Variants in IFI27L1 observed in about 807,000 individuals in gnomAD.
IFI27L1 encodes interferon alpha inducible protein 27 like 1.
Under a neutral mutation model 9.2 loss-of-function variants are expected in IFI27L1, and 3 were observed. The observed-to-expected ratio is 0.32, with a 90% CI of 0.15 to 0.84. IFI27L1 has a LOEUF of 0.84. Among genes scored for constraint, IFI27L1 ranks in the 40% least tolerant of loss-of-function variants. The pLI is 0.56. For missense variants in IFI27L1, 133 were observed against 134.2 expected (o/e 0.99, Z 0.05); for synonymous variants, 53 against 50.0 (o/e 1.06, Z -0.26).
intron 1 of IFI27L1, among the ~76,000 whole-genome samples, chr14:94,086,865 A>G (rs1472396071): frequency 6.6e-6 from 1 of 152,196 alleles, no homozygotes; most frequent in Non-Finnish European, 1.5e-5. Flanking sequence ...ACATATAATT[A>G]TTTATATAGG....
intron 1 of IFI27L1, among the ~76,000 whole-genome samples, chr14:94,083,906 A>G (rs1886193306): frequency 6.6e-6 from 1 of 152,186 alleles, no homozygotes; most frequent in Non-Finnish European, 1.5e-5. Context: ...CATGGACAAC[A>G]TAGCAAGACA....
intron 1 of IFI27L1, among the ~76,000 whole-genome samples, chr14:94,092,829 G>A (rs183500226): frequency 2.6e-5 from 4 of 152,294 alleles, no homozygotes; most frequent in Non-Finnish European, 5.9e-5. Flanking sequence ...CCCCCATGCT[G>A]TTCTCGTGGT....
chr14:94,082,868 T>A (rs946469231), intron 1 of IFI27L1, among the ~76,000 whole-genome samples: 1 of 152,276 alleles, frequency 6.6e-6, no homozygotes, highest in Non-Finnish European at 1.5e-5. Context: ...TTTTCATGTC[T>A]GTGAACACAA....
intron 3 of IFI27L1, chr14:94,100,976 G>A: frequency 1.6e-6 from 1 of 628,936 alleles, no homozygotes; most frequent in Admixed American, 2.7e-5. Flanking sequence ...GGCAGCCAGA[G>A]CTGGGGCTAC....
At chr14:94,096,374 G>C (rs945195368) in intron 1 of IFI27L1, among the ~76,000 whole-genome samples, 3 of 152,124 alleles carry the variant, frequency 2.0e-5, no homozygotes, top group African/African-American at 7.2e-5. Flanking sequence ...ATGCTGCTAC[G>C]AACATGGGTG....
intron 1 of IFI27L1, among the ~76,000 whole-genome samples, chr14:94,084,492 C>T (rs917997485): frequency 1.5e-4 from 23 of 151,974 alleles, no homozygotes; most frequent in African/African-American, 4.4e-4. Flanking sequence ...CCAAAGGGAC[C>T]GAGGGGTTGA....
At chr14:94,097,595 C>A in intron 2 of IFI27L1, 1 of 701,694 alleles carries the variant, frequency 1.4e-6, no homozygotes, top group South Asian at 1.5e-5. Flanking sequence ...CTCCTCCAGT[C>A]ATCCCACTGA....
chr14:94,087,733 GT>G (rs892300076), intron 1 of IFI27L1, among the ~76,000 whole-genome samples: 47 of 147,124 alleles, frequency 3.2e-4, no homozygotes, highest in Middle Eastern at 3.5e-3. Context: ...GCCGATTGTC[GT>G]TTTTTTTTTT....
At position 94,081,348 on chromosome 14, in the gene IFI27L1, C is replaced by T. The variant is rs187275842; in HGVS notation, c.-153C>T. On this transcript the variant is annotated 5_prime_UTR_variant, in exon 1 of 5. Coordinates refer to ENST00000555523, the MANE Select transcript of IFI27L1 (RefSeq NM_206949.3). ...GAGCTGGCTTGGGGCGCTGGCACCT[C>T]CTCTTACAGCTTTACTCCTGCCAGC... The T allele has an allele frequency of 6.6e-6, 1 of 152,348 alleles. No homozygotes were observed. The highest frequency in any genetic ancestry group is 1.9e-4 in the East Asian group (1 of 5,174). The allele number at this position is 152,348 out of a possible 1,614,324, so 9.4% of individuals were successfully genotyped here.
intron 2 of IFI27L1, 85 bp from the exon 3 acceptor site, chr14:94,100,654 T>G: frequency 6.2e-7 from 1 of 1,600,288 alleles, no homozygotes; most frequent in Non-Finnish European, 8.5e-7. Context: ...CAAAGTTGAA[T>G]TTGAGATGGG....
chr14:94,086,043 C>T (rs1292696969), intron 1 of IFI27L1, among the ~76,000 whole-genome samples: 1 of 152,150 alleles, frequency 6.6e-6, no homozygotes, highest in Admixed American at 6.5e-5. Context: ...TTGTAATCCC[C>T]AATGCTGGAG....
chr14:94,099,675 C>T (rs1886819802), intron 2 of IFI27L1, among the ~76,000 whole-genome samples: 1 of 152,072 alleles, frequency 6.6e-6, no homozygotes, highest in East Asian at 1.9e-4. Flanking sequence ...AGGTTGGGGT[C>T]CTTGGTTACA....
At chr14:94,081,788 ATGT>A (rs886662742) in intron 1 of IFI27L1, among the ~76,000 whole-genome samples, 1 of 152,136 alleles carries the variant, frequency 6.6e-6, no homozygotes, top group African/African-American at 2.4e-5. Flanking sequence ...TAATTGATAA[ATGT>A]TGTGTGTGTT....
chr14:94,085,975 C>T (rs971553310), intron 1 of IFI27L1, among the ~76,000 whole-genome samples: 1 of 152,184 alleles, frequency 6.6e-6, no homozygotes, highest in African/African-American at 2.4e-5. Flanking sequence ...TATGTATAAG[C>T]ATTCTACATG....
chr14:94,090,170 A>G (rs1214500130), intron 1 of IFI27L1, among the ~76,000 whole-genome samples: 1 of 152,202 alleles, frequency 6.6e-6, no homozygotes, highest in African/African-American at 2.4e-5. Context: ...AAATTAGAAT[A>G]TTGATCCAGA....
chr14:94,092,811 G>C (rs1303849334), intron 1 of IFI27L1, among the ~76,000 whole-genome samples: 1 of 152,194 alleles, frequency 6.6e-6, no homozygotes. Context: ...GAATCACCGG[G>C]ATGATTTCCC....
chr14:94,095,362 C>T (rs1475808834), intron 1 of IFI27L1, among the ~76,000 whole-genome samples: 1 of 152,132 alleles, frequency 6.6e-6, no homozygotes, highest in East Asian at 1.9e-4. Context: ...ATCCATATTT[C>T]TTTTTATGAA....
intron 1 of IFI27L1, among the ~76,000 whole-genome samples, chr14:94,091,475 A>G (rs1212486370): frequency 6.6e-6 from 1 of 152,208 alleles, no homozygotes; most frequent in East Asian, 1.9e-4. Flanking sequence ...ATATTTAACC[A>G]TGCTTCCTAT....
intron 2 of IFI27L1, among the ~76,000 whole-genome samples, chr14:94,097,995 T>G (rs1040387540): frequency 1.3e-5 from 2 of 151,474 alleles, no homozygotes; most frequent in African/African-American, 4.9e-5. Context: ...AGCAGGGGAG[T>G]CTGAGGACGG....
Sources: gnomAD v4.1 joint callset for allele counts (sites outside exome capture counted in the v4.1 genomes callset) on GRCh38, gnomAD v4.1.1 for gene constraint, MANE v1.5 for transcripts, NCBI Gene and HGNC (gene_info 2026-07-23, HGNC 2026-07-21) for gene names.